PTPRD: variants seen among roughly 807,000 people sequenced by gnomAD.
PTPRD encodes protein tyrosine phosphatase receptor type D, also known as receptor-type tyrosine-protein phosphatase delta.
Under a neutral mutation model 214.5 loss-of-function variants are expected in PTPRD, and 34 were observed. That is an observed-to-expected ratio of 0.16 (90% CI 0.12 to 0.21). The LOEUF (loss-of-function observed/expected upper bound fraction) is 0.21. Ranked by LOEUF, PTPRD falls within the 10% of genes least tolerant of loss-of-function variation. The pLI is 1.00. For missense variants in PTPRD, 2,545 were observed against 2,398.7 expected, an observed-to-expected ratio of 1.06 and a Z score of -1.27; for synonymous variants, 1,128 against 845.7, an observed-to-expected ratio of 1.33 and a Z score of -5.79.
At position 8,500,768 on chromosome 9, in the gene PTPRD, C is replaced by G. The variant is rs757479150; in HGVS notation, c.2114G>C (p.Arg705Pro). ...AGGCAACATACCATCTTCATTGGTT[C>G]GAATCAACACGGACAAGCTCTCAGG... is the stretch of plus-strand genomic sequence containing the variant. ...PGPESLSVLI[R>P]TNEDVPSGPP... The change falls in exon 24 of 46, where the codon CGA becomes CCA. Residue 705 changes from arginine (R) to proline (P), a missense_variant. Arg to Pro is a moderately radical substitution (Grantham distance 103, BLOSUM62 -2). Coordinates refer to ENST00000381196, the MANE Select transcript of PTPRD (RefSeq NM_002839.4). 7 of 1,613,902 alleles carry G rather than the reference C, an allele frequency of 4.3e-6. No homozygotes were observed. The Admixed American group carries it at 6.7e-5, about 15-fold the overall frequency.
At chr9:8,972,521 G>C (rs1489482154) in intron 11 of PTPRD, among the ~76,000 whole-genome samples, 5 of 151,764 alleles carry the variant, frequency 3.3e-5, no homozygotes, top group African/African-American at 1.2e-4. Flanking sequence ...GAGAGGGAAG[G>C]AGGGAAGGAA....
At chr9:9,404,510 A>G (rs1422254205) in intron 8 of PTPRD, among the ~76,000 whole-genome samples, 1 of 152,084 alleles carries the variant, frequency 6.6e-6, no homozygotes, top group Non-Finnish European at 1.5e-5. Context: ...AACTAAGTGG[A>G]TATTAGTGGT....
chr9:9,340,116 G>A (rs1026144630), intron 9 of PTPRD, among the ~76,000 whole-genome samples: 15 of 152,048 alleles, frequency 9.9e-5, no homozygotes, highest in African/African-American at 3.4e-4. Flanking sequence ...TTAATTTGAG[G>A]TAAGGCACTC....
At chr9:9,448,253 G>A (rs1162356086) in intron 8 of PTPRD, among the ~76,000 whole-genome samples, 1 of 152,016 alleles carries the variant, frequency 6.6e-6, no homozygotes, top group Non-Finnish European at 1.5e-5. Context: ...ATACGGTTTG[G>A]CTATGTGTCC....
intron 3 of PTPRD, among the ~76,000 whole-genome samples, chr9:10,066,724 A>T (rs1178098505): frequency 6.6e-6 from 1 of 151,904 alleles, no homozygotes; most frequent in Non-Finnish European, 1.5e-5. Flanking sequence ...TCAGAGCAGT[A>T]CACACTCTTT....
intron 10 of PTPRD, among the ~76,000 whole-genome samples, chr9:9,101,865 G>T (rs577281474): frequency 1.3e-5 from 2 of 152,000 alleles, no homozygotes; most frequent in African/African-American, 4.8e-5. Flanking sequence ...AGAATTCTAG[G>T]ATTACTTAAA....
chr9:8,940,827 G>GTGATGATGA (rs5896286), intron 11 of PTPRD, among the ~76,000 whole-genome samples: 2 of 139,918 alleles, frequency 1.4e-5, no homozygotes, highest in African/African-American at 5.0e-5. Context: ...CAAAACATTA[G>GTGATGATGA]TGATGATGAT....
At chr9:10,610,230 T>C (rs749983200) in intron 2 of PTPRD, among the ~76,000 whole-genome samples, 1 of 152,144 alleles carries the variant, frequency 6.6e-6, no homozygotes, top group African/African-American at 2.4e-5. Flanking sequence ...GAGACAGGGA[T>C]CAAATGCATG....
At chr9:8,320,333 A>T (rs180702219) in intron 44 of PTPRD, among the ~76,000 whole-genome samples, 119 of 152,290 alleles carry the variant, frequency 7.8e-4, no homozygotes, top group African/African-American at 2.8e-3. Context: ...TTTTTAAAGT[A>T]TGAAATAATT....
At chr9:10,522,960 A>G (rs1386353343) in intron 2 of PTPRD, among the ~76,000 whole-genome samples, 1 of 152,016 alleles carries the variant, frequency 6.6e-6, no homozygotes, top group Non-Finnish European at 1.5e-5. Context: ...ATGTTCTGTG[A>G]GGGGGTTCAT....
At chr9:9,229,652 C>T (rs2099961837) in intron 9 of PTPRD, among the ~76,000 whole-genome samples, 3 of 152,050 alleles carry the variant, frequency 2.0e-5, no homozygotes, top group Admixed American at 2.0e-4. Flanking sequence ...AACAACTCCC[C>T]AAAATCAAAT....
chr9:10,081,660 C>T (rs1171529147), intron 3 of PTPRD, among the ~76,000 whole-genome samples: 1 of 152,020 alleles, frequency 6.6e-6, no homozygotes, highest in Non-Finnish European at 1.5e-5. Flanking sequence ...TTATGAACCA[C>T]CCAGTCTATG....
intron 5 of PTPRD, among the ~76,000 whole-genome samples, chr9:9,845,177 T>C (rs1349814912): frequency 1.1e-4 from 5 of 43,734 alleles, no homozygotes; most frequent in Non-Finnish European, 2.6e-4. Flanking sequence ...TATATATATA[T>C]ATATTGCTCT....
At chr9:9,494,975 C>T (rs918714197) in intron 8 of PTPRD, among the ~76,000 whole-genome samples, 6 of 152,000 alleles carry the variant, frequency 3.9e-5, no homozygotes, top group African/African-American at 1.4e-4. Flanking sequence ...ATGCTTAGAC[C>T]AATGGATAGA....
At chr9:9,778,232 G>A (rs933498448) in intron 5 of PTPRD, among the ~76,000 whole-genome samples, 17 of 152,290 alleles carry the variant, frequency 1.1e-4, no homozygotes, top group Non-Finnish European at 1.9e-4. Flanking sequence ...GCTAGGGCTA[G>A]TTCCCAGCCC....
At chr9:9,763,049 G>C (rs916419226) in intron 6 of PTPRD, among the ~76,000 whole-genome samples, 1 of 152,036 alleles carries the variant, frequency 6.6e-6, no homozygotes. Flanking sequence ...AAGAGAGAGC[G>C]ATCTCTTCCT....
chr9:9,268,761 G>T (rs954231662), intron 9 of PTPRD, among the ~76,000 whole-genome samples: 3 of 148,824 alleles, frequency 2.0e-5, no homozygotes, highest in African/African-American at 4.9e-5. Context: ...ATGGAGAAAG[G>T]ATAGTGTCTT....
intron 3 of PTPRD, among the ~76,000 whole-genome samples, chr9:10,195,166 TCTTGAC>T (rs2099392902): frequency 1.4e-5 from 2 of 145,560 alleles, no homozygotes; most frequent in South Asian, 4.5e-4. Flanking sequence ...GCCAGGCTGG[TCTTGAC>T]CTTTCAACAA....
At chr9:9,584,056 T>C (rs1418286808) in intron 7 of PTPRD, among the ~76,000 whole-genome samples, 1 of 152,070 alleles carries the variant, frequency 6.6e-6, no homozygotes, top group African/African-American at 2.4e-5. Flanking sequence ...TGGATTTTTG[T>C]TGAAATACAG....
Sources: gnomAD v4.1 joint callset for allele counts (sites outside exome capture counted in the v4.1 genomes callset) on GRCh38, gnomAD v4.1.1 for gene constraint, MANE v1.5 for transcripts, NCBI Gene and HGNC (gene_info 2026-07-23, HGNC 2026-07-21) for gene names.